The following DCC variants were observed in gnomAD, a reference collection of about 807,000 sequenced individuals.
DCC encodes the protein DCC netrin 1 receptor.
A neutral mutation model predicts 172.5 loss-of-function variants in DCC; 58 were observed. That is an observed-to-expected ratio of 0.34 (90% CI 0.27 to 0.42). DCC has a LOEUF of 0.42. Among genes scored for constraint, DCC ranks in the 10% least tolerant of loss-of-function variants. The probability of loss-of-function intolerance (pLI) is 1.00; values close to 1 mark genes in which losing one functional copy is unlikely to be tolerated. For synonymous variants in DCC, 709 were observed against 644.5 expected, an observed-to-expected ratio of 1.10 and a Z score of -1.52; for missense variants, 1,740 against 1,791.0, an observed-to-expected ratio of 0.97 and a Z score of 0.51.
chr18:52,432,751 AT>A (rs1192005488), intron 1 of DCC, among the ~76,000 whole-genome samples: 2 of 152,202 alleles, frequency 1.3e-5, no homozygotes, highest in African/African-American at 4.8e-5. Context: ...TCACTCTTTT[AT>A]GTTTAAGCTA....
rs143530813 is a variant in DCC at position 52,790,215 on chromosome 18, T to C, written c.412+37841T>C. Among the ~76,000 whole-genome samples the C allele has an allele frequency of 5.7e-3, 872 of 152,302 alleles. 4 individuals are homozygous for C. Among genetic ancestry groups the C allele is most frequent in the Middle Eastern group, 0.014 (4 of 294 alleles). On this transcript the variant is annotated intron_variant, in intron 2 of 28. Transcript: ENST00000442544. ...TGGAAGCCTGTAGCCAAGTTTGTTA[T>C]AGACTGTTTTGTTGGGCTGGCATGA... is the stretch of plus-strand genomic sequence containing the variant.
intron 15 of DCC, among the ~76,000 whole-genome samples, chr18:53,370,915 A>G (rs1418997160): frequency 1.3e-5 from 2 of 151,408 alleles, no homozygotes; most frequent in African/African-American, 4.8e-5. Context: ...CTTAACCAAC[A>G]AAAAAAAATT....
intron 1 of DCC, among the ~76,000 whole-genome samples, chr18:52,670,006 C>T (rs776428474): frequency 6.6e-6 from 1 of 152,060 alleles, no homozygotes; most frequent in Non-Finnish European, 1.5e-5. Context: ...TACCCAAATG[C>T]CTATGGGAAG....
intron 14 of DCC, among the ~76,000 whole-genome samples, chr18:53,337,521 T>C (rs1415122681): frequency 2.6e-5 from 4 of 152,238 alleles, no homozygotes; most frequent in Admixed American, 1.3e-4. Flanking sequence ...GTGTTTCTGC[T>C]GTTAAGGCTT....
At chr18:52,415,609 G>A (rs996606772) in intron 1 of DCC, among the ~76,000 whole-genome samples, 3 of 152,138 alleles carry the variant, frequency 2.0e-5, no homozygotes, top group Non-Finnish European at 4.4e-5. Context: ...AGAGAGCACA[G>A]AGGGAGAGAA....
At chr18:52,961,901 C>T (rs971218208) in intron 5 of DCC, among the ~76,000 whole-genome samples, 20 of 152,214 alleles carry the variant, frequency 1.3e-4, no homozygotes, top group African/African-American at 4.8e-4. Context: ...AACTGGCTAG[C>T]CATATGTAGA....
chr18:53,357,446 A>G (rs1462889985), intron 15 of DCC, among the ~76,000 whole-genome samples: 2 of 152,216 alleles, frequency 1.3e-5, no homozygotes, highest in African/African-American at 2.4e-5. Flanking sequence ...TTTTAAGTTT[A>G]TGAAATGCAA....
At chr18:53,180,555 C>T (rs1332656419) in intron 9 of DCC, among the ~76,000 whole-genome samples, 3 of 152,156 alleles carry the variant, frequency 2.0e-5, no homozygotes, top group Non-Finnish European at 4.4e-5. Flanking sequence ...ATGAGCTGGT[C>T]CTGCTCCCAG....
chr18:53,055,356 A>G (rs748040701), intron 5 of DCC, among the ~76,000 whole-genome samples: 11 of 152,170 alleles, frequency 7.2e-5, no homozygotes, highest in Non-Finnish European at 1.5e-4. Context: ...CACCTGTGTC[A>G]GGAAAAAAGT....
chr18:52,745,085 G>C (rs2036886158), intron 1 of DCC, among the ~76,000 whole-genome samples: 1 of 152,136 alleles, frequency 6.6e-6, no homozygotes, highest in Admixed American at 6.5e-5. Context: ...TTGTAACAGA[G>C]GAAAGATTAG....
chr18:53,344,285 A>G (rs1338841780), intron 15 of DCC, among the ~76,000 whole-genome samples: 1 of 151,736 alleles, frequency 6.6e-6, no homozygotes, highest in Non-Finnish European at 1.5e-5. Flanking sequence ...GATATGTTGT[A>G]TTTTTATTAC....
At chr18:53,035,270 C>T (rs897644092) in intron 5 of DCC, among the ~76,000 whole-genome samples, 1 of 151,988 alleles carries the variant, frequency 6.6e-6, no homozygotes, top group Non-Finnish European at 1.5e-5. Flanking sequence ...CCGAAATGCA[C>T]ATGATCTCAT....
intron 27 of DCC, among the ~76,000 whole-genome samples, chr18:53,499,948 C>T (rs1172142605): frequency 6.6e-6 from 1 of 152,152 alleles, no homozygotes; most frequent in East Asian, 1.9e-4. Flanking sequence ...TTTCAATAGT[C>T]ATTTCTCAGG....
At chr18:52,898,231 A>T (rs1349484800) in intron 2 of DCC, among the ~76,000 whole-genome samples, 1 of 152,212 alleles carries the variant, frequency 6.6e-6, no homozygotes, top group East Asian at 1.9e-4. Context: ...TTTTTATTAA[A>T]TGAACTTTAA....
At chr18:52,795,650 T>C (rs921529118) in intron 2 of DCC, among the ~76,000 whole-genome samples, 14 of 151,972 alleles carry the variant, frequency 9.2e-5, no homozygotes, top group African/African-American at 3.4e-4. Flanking sequence ...TTTTGTTCTG[T>C]TTTCTTATTT....
chr18:52,730,998 TTAAGA>T (rs1168146125), intron 1 of DCC, among the ~76,000 whole-genome samples: 4 of 152,294 alleles, frequency 2.6e-5, no homozygotes, highest in South Asian at 4.1e-4. Context: ...CCATCTATCA[TTAAGA>T]TAATTGTTAT....
At chr18:52,427,760 C>T (rs933896079) in intron 1 of DCC, among the ~76,000 whole-genome samples, 1 of 151,960 alleles carries the variant, frequency 6.6e-6, no homozygotes, top group Non-Finnish European at 1.5e-5. Context: ...AAGTTCAGTG[C>T]CTTCTTCCTC....
intron 23 of DCC, among the ~76,000 whole-genome samples, chr18:53,451,843 G>C (rs2045418878): frequency 6.6e-6 from 1 of 152,126 alleles, no homozygotes; most frequent in Non-Finnish European, 1.5e-5. Context: ...GAGAACAGGG[G>C]AAGATATACA....
At chr18:53,241,822 T>A (rs932272908) in intron 12 of DCC, among the ~76,000 whole-genome samples, 5 of 152,268 alleles carry the variant, frequency 3.3e-5, no homozygotes, top group East Asian at 1.9e-4. Flanking sequence ...GCAAAGCCTT[T>A]TTGACTGACC....
Sources: gnomAD v4.1 joint callset for allele counts (sites outside exome capture counted in the v4.1 genomes callset) on GRCh38, gnomAD v4.1.1 for gene constraint, MANE v1.5 for transcripts, NCBI Gene and HGNC (gene_info 2026-07-23, HGNC 2026-07-21) for gene names.